GALNT11: variants seen among roughly 807,000 people sequenced by gnomAD.
GALNT11 encodes polypeptide N-acetylgalactosaminyltransferase 11.
In GALNT11, 47 loss-of-function variants were observed where a neutral mutation model predicts 72.7. The ratio of observed to expected loss-of-function variants is 0.65; its 90% CI spans 0.51 to 0.82. The LOEUF is 0.82. Ranked by LOEUF, GALNT11 falls within the 40% of genes least tolerant of loss-of-function variation. The pLI is 0.00. For missense variants in GALNT11, 677 were observed against 778.4 expected (o/e 0.87, Z 1.55); for synonymous variants, 270 against 286.6 (o/e 0.94, Z 0.58).
At chr7:152,089,151 C>T (rs1317636196) in intron 1 of GALNT11, among the ~76,000 whole-genome samples, 6 of 151,882 alleles carry the variant, frequency 4.0e-5, no homozygotes, top group East Asian at 1.9e-4. Context: ...GGCTAGGGAA[C>T]GAGTGTGGCT....
At chr7:152,121,003 A>G (rs1390961593) in intron 11 of GALNT11, 35 bp downstream of exon 11, 2 of 1,601,202 alleles carry the variant, frequency 1.2e-6, no homozygotes, top group Non-Finnish European at 1.7e-6. Context: ...GAGAATGCGC[A>G]GAGGCCCACA....
chr7:152,071,204 T>G (rs1011465984), intron 1 of GALNT11, among the ~76,000 whole-genome samples: 6 of 152,260 alleles, frequency 3.9e-5, no homozygotes, highest in African/African-American at 1.4e-4. Flanking sequence ...GAATTTCCTC[T>G]TCCTAATAAG....
intron 1 of GALNT11, among the ~76,000 whole-genome samples, chr7:152,080,703 T>A (rs560764683): frequency 6.6e-6 from 1 of 152,262 alleles, no homozygotes; most frequent in South Asian, 2.1e-4. Context: ...GGCTCACGCC[T>A]GTAATCCCAG....
chr7:152,091,884 G>T (rs750982206), intron 1 of GALNT11, among the ~76,000 whole-genome samples: 1 of 152,230 alleles, frequency 6.6e-6, no homozygotes, highest in South Asian at 2.1e-4. Context: ...AACGACATCA[G>T]TGTCCATCTT....
At chr7:152,087,634 A>G (rs1226953806) in intron 1 of GALNT11, among the ~76,000 whole-genome samples, 2 of 152,224 alleles carry the variant, frequency 1.3e-5, no homozygotes, top group Non-Finnish European at 2.9e-5. Context: ...TATTCATCCT[A>G]TAGATACTTT....
chr7:152,059,282 T>G (rs2083869809), intron 1 of GALNT11, among the ~76,000 whole-genome samples: 1 of 151,950 alleles, frequency 6.6e-6, no homozygotes, highest in South Asian at 2.1e-4. Context: ...ATTTTTTTTT[T>G]GTAGCGATTG....
intron 1 of GALNT11, among the ~76,000 whole-genome samples, chr7:152,092,664 G>T (rs1260162718): frequency 6.6e-6 from 1 of 152,190 alleles, no homozygotes; most frequent in Non-Finnish European, 1.5e-5. Context: ...CCTTGTACAA[G>T]AGAACCTAAT....
intron 1 of GALNT11, among the ~76,000 whole-genome samples, chr7:152,036,940 T>A (rs1369777480): frequency 6.6e-6 from 1 of 152,260 alleles, no homozygotes; most frequent in Non-Finnish European, 1.5e-5. Context: ...TTATTAGATT[T>A]TTTTCCTATA....
chr7:152,063,549 A>G (rs1449930899), intron 1 of GALNT11, among the ~76,000 whole-genome samples: 2 of 151,794 alleles, frequency 1.3e-5, no homozygotes, highest in African/African-American at 2.4e-5. Flanking sequence ...TTTTAATTGT[A>G]TGTTAGGGTG....
intron 1 of GALNT11, among the ~76,000 whole-genome samples, chr7:152,042,482 C>T (rs576736851): frequency 2.6e-5 from 4 of 152,246 alleles, no homozygotes; most frequent in South Asian, 4.1e-4. Flanking sequence ...CTTTACTCAG[C>T]GGCCATTGTT....
chr7:152,097,486 A>G (rs1275722645), intron 2 of GALNT11, among the ~76,000 whole-genome samples: 1 of 152,218 alleles, frequency 6.6e-6, no homozygotes, highest in Non-Finnish European at 1.5e-5. Context: ...TAACCCAGCA[A>G]TACCACTCCA....
chr7:152,041,835 T>TA (rs1762076773), intron 1 of GALNT11, among the ~76,000 whole-genome samples: 1 of 152,216 alleles, frequency 6.6e-6, no homozygotes, highest in African/African-American at 2.4e-5. Flanking sequence ...GATCCCTACG[T>TA]ATGGCTACTT....
intron 1 of GALNT11, among the ~76,000 whole-genome samples, chr7:152,059,259 C>CT (rs996764906): frequency 0.012 from 1,776 of 148,446 alleles, 34 homozygotes; most frequent in African/African-American, 0.041. Flanking sequence ...CCATGCCCAA[C>CT]TTTTTTTTTT....
chr7:152,109,756 GT>G (rs1056875072), intron 6 of GALNT11, among the ~76,000 whole-genome samples: 2 of 152,250 alleles, frequency 1.3e-5, no homozygotes, highest in East Asian at 1.9e-4. Flanking sequence ...CTGGGATGAT[GT>G]TTTTTCCCTG....
chr7:152,055,620 T>C (rs2083635486), intron 1 of GALNT11, among the ~76,000 whole-genome samples: 1 of 151,572 alleles, frequency 6.6e-6, no homozygotes, highest in South Asian at 2.1e-4. Context: ...TGGTACTTTT[T>C]GTTAAGAGGA....
chr7:152,057,756 T>G (rs1587057159), intron 1 of GALNT11, among the ~76,000 whole-genome samples: 1 of 132,748 alleles, frequency 7.5e-6, no homozygotes, highest in South Asian at 2.6e-4. Flanking sequence ...CAATTTCCCC[T>G]GTTATTAACA....
intron 1 of GALNT11, among the ~76,000 whole-genome samples, chr7:152,048,791 T>C (rs1482724382): frequency 6.6e-6 from 1 of 151,804 alleles, no homozygotes; most frequent in Non-Finnish European, 1.5e-5. Flanking sequence ...GTTTTCTAGA[T>C]CTTGTAGGTG....
In GALNT11 at chr7:152,042,038, A is replaced by G. The variant is rs573087557; in HGVS notation, c.-39+16154A>G. On this transcript the variant is annotated intron_variant, in intron 1 of 11. Transcript: ENST00000430044. ...TCATGCATATAATGGATAATGTAAC[A>G]CTGAAATTTTTTTATGAGTAGGTTC... Among the ~76,000 whole-genome samples the G allele has an allele frequency of 6.6e-5, 10 of 152,338 alleles. No individual in the cohort carries two copies. In the South Asian group the frequency reaches 1.7e-3, roughly 25 times the overall value.
intron 1 of GALNT11, among the ~76,000 whole-genome samples, chr7:152,059,136 C>T (rs1190284563): frequency 6.6e-6 from 1 of 152,210 alleles, no homozygotes; most frequent in East Asian, 1.9e-4. Flanking sequence ...TGCTTTGTCA[C>T]CCAGGCTGGA....
Sources: gnomAD v4.1 joint callset for allele counts (sites outside exome capture counted in the v4.1 genomes callset) on GRCh38, gnomAD v4.1.1 for gene constraint, MANE v1.5 for transcripts, NCBI Gene and HGNC (gene_info 2026-07-23, HGNC 2026-07-21) for gene names.